The following NDE1 variants were observed in gnomAD, a reference collection of about 807,000 sequenced individuals.
NDE1 encodes the protein nudE neurodevelopment protein 1.
In NDE1, 28 loss-of-function variants were observed where a neutral mutation model predicts 43.4. The ratio of observed to expected loss-of-function variants is 0.65; its 90% CI spans 0.48 to 0.89. NDE1 has a LOEUF of 0.89. Ranked by LOEUF, NDE1 falls within the 40% of genes least tolerant of loss-of-function variation. The probability of loss-of-function intolerance (pLI) is 0.00; values close to 1 mark genes in which losing one functional copy is unlikely to be tolerated. For missense variants in NDE1, 441 were observed against 434.1 expected, an observed-to-expected ratio of 1.02 and a Z score of -0.14; for synonymous variants, 184 against 172.0, an observed-to-expected ratio of 1.07 and a Z score of -0.55.
Position 15,694,275 on chromosome 16 carries a change from G to A in NDE1, c.795+19G>A. On this transcript the variant is annotated intron_variant, in intron 7 of 8. Transcript: ENST00000396354. The stretch of plus-strand genomic sequence containing the variant: ...AGTCGGGGTAAGACCACACTTTCCT[G>A]GCGTTTGGTGCCTTCCTGCCTGTCT... 2 of 1,610,726 alleles carry A rather than the reference G, an allele frequency of 1.2e-6. No individual in the cohort carries two copies.
Position 15,694,079 on chromosome 16 carries a change from G to A in NDE1, c.704-86G>A, listed in dbSNP as rs1026670482. ...GAGGAAAGGCGTCAGTGTCCCTCCTGTCCCGTGGTTTTGGATCTAGCGATG... is the reference window on the plus strand; with the variant it reads ...GAGGAAAGGCGTCAGTGTCCCTCCTATCCCGTGGTTTTGGATCTAGCGATG... On this transcript the variant is annotated intron_variant, in intron 6 of 8. Coordinates refer to ENST00000396354, the MANE Select transcript of NDE1 (RefSeq NM_017668.3). 7 of 1,480,132 alleles carry A rather than the reference G, an allele frequency of 4.7e-6. No individual in the cohort carries two copies. The Admixed American group carries it at 7.4e-5, about 16-fold the overall frequency. 91.7% of individuals were successfully genotyped at this position (1,480,132 alleles called of 1,614,324 possible). A position where few individuals can be genotyped will look rare whatever the true frequency, so the allele number is the denominator to read the frequency against.
chr16:15,708,304 G>A (rs1389944392), intron 8 of NDE1, among the ~76,000 whole-genome samples: 1 of 152,178 alleles, frequency 6.6e-6, no homozygotes, highest in African/African-American at 2.4e-5. Flanking sequence ...CGCAGTTACC[G>A]TGAACTTTGT....
At chr16:15,698,066 T>C (rs1357449592) in intron 8 of NDE1, among the ~76,000 whole-genome samples, 16 of 152,056 alleles carry the variant, frequency 1.1e-4, no homozygotes. Context: ...CCTCTCAAAG[T>C]GCTGGGATTA....
chr16:15,699,722 T>C, intron 8 of NDE1: 1 of 1,349,970 alleles, frequency 7.4e-7, no homozygotes, highest in Non-Finnish European at 9.8e-7. Context: ...GTTTGCTCTG[T>C]CTGAAGGTTG....
At chr16:15,682,123 T>C (rs2038213289) in intron 4 of NDE1, among the ~76,000 whole-genome samples, 2 of 152,192 alleles carry the variant, frequency 1.3e-5, no homozygotes, top group South Asian at 4.1e-4. Context: ...TAGTTTAGTG[T>C]TAAAAATCGG....
chr16:15,684,917 G>GT (rs767175140), intron 4 of NDE1, among the ~76,000 whole-genome samples: 150 of 152,260 alleles, frequency 9.9e-4, no homozygotes, highest in Non-Finnish European at 1.7e-3. Flanking sequence ...TGACTCTCTG[G>GT]TAGAGCTAGT....
chr16:15,674,479 C>T (rs1250606721), intron 3 of NDE1, among the ~76,000 whole-genome samples: 1 of 152,000 alleles, frequency 6.6e-6, no homozygotes, highest in African/African-American at 2.4e-5. Flanking sequence ...GAACTCCTGA[C>T]CTCAGGTGAT....
upstream of NDE1, among the ~76,000 whole-genome samples, chr16:15,645,977 C>G (rs1233614259): frequency 1.3e-5 from 2 of 152,104 alleles, no homozygotes; most frequent in Non-Finnish European, 2.9e-5. Flanking sequence ...TCCAAAGCTA[C>G]AAGGAAAACA....
chr16:15,650,416 C>A (rs1281199345), intron 1 of NDE1, 122 bp downstream of exon 1: 1 of 159,606 alleles, frequency 6.3e-6, no homozygotes, highest in Non-Finnish European at 1.4e-5. Context: ...CTGGCAGGGA[C>A]CCCTACGCCC....
chr16:15,702,186 A>T (rs907782422), intron 8 of NDE1: 1 of 152,142 alleles, frequency 6.6e-6, no homozygotes, highest in African/African-American at 2.4e-5. Flanking sequence ...TTGGTGGTAT[A>T]CGGCATCGTT....
intron 4 of NDE1, among the ~76,000 whole-genome samples, chr16:15,681,531 G>A (rs1047913519): frequency 3.9e-5 from 6 of 151,964 alleles, no homozygotes; most frequent in Non-Finnish European, 8.8e-5. Flanking sequence ...AAAGTGCTGG[G>A]ATTATAGGCA....
At chr16:15,717,910 A>G (rs1244907154) in intron 8 of NDE1, 1 of 315,390 alleles carries the variant, frequency 3.2e-6, no homozygotes, top group Non-Finnish European at 6.1e-6. Flanking sequence ...ACCCTACACC[A>G]CAAGGGGCTG....
rs1418960909 is a variant in NDE1, at chr16:15,677,890, A to G, written c.327A>G (p.Gln109=). 2 of 1,614,140 alleles carry G rather than the reference A, an allele frequency of 1.2e-6. No individual in the cohort carries two copies. Among genetic ancestry groups the G allele is most frequent in the South Asian group, 2.2e-5 (2 of 91,086 alleles). ...DLAQTKAIKD[Q]LQKYIRELEQ... ...CGCAGACCAAAGCCATTAAAGACCA[A>G]TTGCAGAAATACATCAGAGAGCTGG... Residue 109 remains glutamine, a synonymous_variant, in exon 4 of 9, where the codon CAA becomes CAG. Coordinates refer to ENST00000396354, the MANE Select transcript of NDE1 (RefSeq NM_017668.3).
intron 3 of NDE1, among the ~76,000 whole-genome samples, chr16:15,675,503 C>T (rs557848870): frequency 1.7e-3 from 254 of 150,254 alleles, no homozygotes; most frequent in African/African-American, 6.0e-3. Context: ...GCGGCGTGAT[C>T]ATAGCTCACT....
At chr16:15,682,708 A>G (rs1203139237) in intron 4 of NDE1, among the ~76,000 whole-genome samples, 1 of 152,110 alleles carries the variant, frequency 6.6e-6, no homozygotes, top group Non-Finnish European at 1.5e-5. Context: ...TACTCTTTTC[A>G]TAAGTTTTTC....
rs111764434 is a variant in NDE1, at chr16:15,724,412, A to G, written c.*161A>G. On this transcript the variant is annotated 3_prime_UTR_variant, in exon 9 of 9. Transcript: ENST00000396354. ...AGCTTCTTCTTCGAGTCGGAGAGCTACAAGGACAGCGTCCAGGGTAGGGTG... is the reference window on the plus strand; with the variant it reads ...AGCTTCTTCTTCGAGTCGGAGAGCTGCAAGGACAGCGTCCAGGGTAGGGTG... The G allele has an allele frequency of 6.2e-7, 1 of 1,613,740 alleles. No individual in the cohort carries two copies. Among genetic ancestry groups the G allele is most frequent in the Non-Finnish European group, 8.5e-7 (1 of 1,180,022 alleles).
Position 15,717,270 on chromosome 16 carries a change from G to A in NDE1, c.948-6921G>A, listed in dbSNP as rs1364355866. 2.3e-5 allele frequency: 37 copies of A among 1,613,736 alleles called. No homozygotes were observed. The highest frequency in any genetic ancestry group is 2.6e-5 in the Non-Finnish European group (31 of 1,180,048). On this transcript the variant is annotated intron_variant, in intron 8 of 8. Coordinates refer to ENST00000396354, the MANE Select transcript of NDE1 (RefSeq NM_017668.3). ...TTGCTCCGGAGCTCCTTGTTCTGCC[G>A]CTCGAGCTGCTGCCGGGCACTCTCA...
At chr16:15,717,038 A>C in intron 8 of NDE1, 10 of 1,293,456 alleles carry the variant, frequency 7.7e-6, no homozygotes, top group Non-Finnish European at 1.1e-5. Context: ...CTTGCTTCTT[A>C]CAAGCCAGAA....
At chr16:15,716,685 C>T (rs1454581569) in intron 8 of NDE1, among the ~76,000 whole-genome samples, 1 of 152,154 alleles carries the variant, frequency 6.6e-6, no homozygotes, top group Non-Finnish European at 1.5e-5. Flanking sequence ...CCACACTCGG[C>T]TAATTTTTGG....
Sources: gnomAD v4.1 joint callset for allele counts (sites outside exome capture counted in the v4.1 genomes callset) on GRCh38, gnomAD v4.1.1 for gene constraint, MANE v1.5 for transcripts, NCBI Gene and HGNC (gene_info 2026-07-23, HGNC 2026-07-21) for gene names.